Variants in FZD3 observed in about 807,000 individuals in gnomAD.
The protein encoded by FZD3 is frizzled class receptor 3.
FZD3 carries 30 observed loss-of-function variants against 60.7 expected under a neutral mutation model. The observed-to-expected ratio is 0.49, with a 90% CI of 0.37 to 0.67. The LOEUF (loss-of-function observed/expected upper bound fraction) is 0.67, where lower values mean the gene tolerates loss of function less well. FZD3 is among the 30% of genes least tolerant of loss of function. FZD3 has a pLI of 0.00. For synonymous variants in FZD3, 246 were observed against 275.2 expected (o/e 0.89, Z 1.05); for missense variants, 605 against 838.7 (o/e 0.72, Z 3.44).
rs946108068 is a variant in FZD3 at position 28,571,538 on chromosome 8, G to C, written c.*8527G>C. ...CAGGTGCTATTTCTACCTTAGCTGTGAGTTAGACTAAATCCAAATTTCGTA... is the reference window on the plus strand; with the variant it reads ...CAGGTGCTATTTCTACCTTAGCTGTCAGTTAGACTAAATCCAAATTTCGTA... On this transcript the variant is annotated 3_prime_UTR_variant, in exon 8 of 8. Transcript: ENST00000240093. 2 of 152,126 alleles carry C rather than the reference G, an allele frequency of 1.3e-5. No homozygotes were observed. The highest frequency in any genetic ancestry group is 4.8e-5 in the African/African-American group (2 of 41,450). The allele number at this position is 152,126 out of a possible 1,614,324, so 9.4% of individuals were successfully genotyped here.
rs757928052 is a variant in FZD3 at position 28,520,704 on chromosome 8, G to A, written c.256G>A (p.Ala86Thr). ...CCGGCCTTTTCTTTGTGCACTCTAC[G>A]CTCCTATTTGTATGGAATATGGACG... ...DFRPFLCALY[A>T]PICMEYGRVT... The change falls in exon 4 of 8, where the codon GCT becomes ACT. Residue 86 changes from alanine to threonine, a missense_variant. Transcript: ENST00000240093. The A allele has an allele frequency of 6.8e-6, 11 of 1,610,956 alleles. No individual in the cohort carries two copies. Among genetic ancestry groups the A allele is most frequent in the East Asian group, 2.2e-5 (1 of 44,822 alleles).
At position 28,572,730 on chromosome 8, in the gene FZD3, G is replaced by T. The variant is rs1400521471; in HGVS notation, c.*9719G>T. The T allele has an allele frequency of 6.6e-6, 1 of 152,056 alleles. No homozygotes were observed. Among genetic ancestry groups the T allele is most frequent in the Non-Finnish European group, 1.5e-5 (1 of 67,972 alleles). 9.4% of individuals were successfully genotyped at this position (152,056 alleles called of 1,614,324 possible). A position where few individuals can be genotyped will look rare whatever the true frequency, so the allele number is the denominator to read the frequency against. On this transcript the variant is annotated 3_prime_UTR_variant, in exon 8 of 8. Coordinates refer to ENST00000240093, the MANE Select transcript of FZD3 (RefSeq NM_017412.4). Reference sequence around the variant, plus strand: ...CTCTTGGTAGGCATTCTAAATTAATGAATACTGCTATGTGGTGTAGTAAAC... The same window carrying T: ...CTCTTGGTAGGCATTCTAAATTAATTAATACTGCTATGTGGTGTAGTAAAC...
At chr8:28,501,378 G>A (rs149307066) in intron 2 of FZD3, among the ~76,000 whole-genome samples, 2 of 152,270 alleles carry the variant, frequency 1.3e-5, no homozygotes, top group Non-Finnish European at 2.9e-5. Context: ...ATGCACAGAG[G>A]ACAGTTTCTT....
Position 28,563,198 on chromosome 8 carries a change from A to T in FZD3, c.*187A>T. 1 of 567,024 alleles carries T rather than the reference A, an allele frequency of 1.8e-6. No homozygotes were observed. Among genetic ancestry groups the T allele is most frequent in the South Asian group, 2.1e-5 (1 of 47,386 alleles). 35.1% of individuals were successfully genotyped at this position (567,024 alleles called of 1,614,324 possible). ...AACTTGGAACATCAAGGCATCCAAAACACTAAGAATTCTATCATCACAAAA... is the reference window on the plus strand; with the variant it reads ...AACTTGGAACATCAAGGCATCCAAATCACTAAGAATTCTATCATCACAAAA... On this transcript the variant is annotated 3_prime_UTR_variant, in exon 8 of 8. Transcript: ENST00000240093.
intron 1 of FZD3, among the ~76,000 whole-genome samples, chr8:28,498,106 C>A (rs1803891313): frequency 6.6e-6 from 1 of 152,116 alleles, no homozygotes; most frequent in African/African-American, 2.4e-5. Context: ...GGAATGTTAA[C>A]CAAGTAACTT....
rs1805657898 is a variant in FZD3, at chr8:28,563,759, T to C, written c.*748T>C. The C allele has an allele frequency of 6.6e-6, 1 of 152,654 alleles. No individual in the cohort carries two copies. The highest frequency in any genetic ancestry group is 6.5e-5 in the Admixed American group (1 of 15,280). 9.5% of individuals were successfully genotyped at this position (152,654 alleles called of 1,614,324 possible). On this transcript the variant is annotated 3_prime_UTR_variant, in exon 8 of 8. Transcript: ENST00000240093. ...TTTTATAACTTATCCATATGCATGA[T>C]GGAAAAATTTTAATTTGTAGCCATC...
Position 28,570,550 on chromosome 8 carries a change from G to A in FZD3, c.*7539G>A, listed in dbSNP as rs892928917. The A allele has an allele frequency of 4.6e-5, 7 of 151,934 alleles. No homozygotes were observed. Among genetic ancestry groups the A allele is most frequent in the East Asian group, 1.9e-4 (1 of 5,162 alleles). 9.4% of individuals were successfully genotyped at this position (151,934 alleles called of 1,614,324 possible). A position where few individuals can be genotyped will look rare whatever the true frequency, so the allele number is the denominator to read the frequency against. ...TGAGGCAGGAGAATGGCGTGAACCC[G>A]GGAGGCGGAGCTTGCAGTGAGCTGA... On this transcript the variant is annotated 3_prime_UTR_variant, in exon 8 of 8. Transcript: ENST00000240093.
At chr8:28,505,432 G>A (rs1451377708) in intron 3 of FZD3, among the ~76,000 whole-genome samples, 2 of 151,974 alleles carry the variant, frequency 1.3e-5, no homozygotes, top group East Asian at 3.9e-4. Flanking sequence ...GCTCACCACA[G>A]CCTCAACCTC....
At chr8:28,542,262 T>C (rs1272489295) in intron 5 of FZD3, among the ~76,000 whole-genome samples, 4 of 152,168 alleles carry the variant, frequency 2.6e-5, no homozygotes, top group Non-Finnish European at 4.4e-5. Flanking sequence ...CTGTCAGGAT[T>C]ATTGTTATTG....
In FZD3 at chr8:28,571,424, T is replaced by C. The variant is rs2130494116; in HGVS notation, c.*8413T>C. On this transcript the variant is annotated 3_prime_UTR_variant, in exon 8 of 8. Transcript: ENST00000240093. ...GGTGAATGTATACTTAAAAATACTC[T>C]ATTTTCTTTTTATATGAACTTAAAA... is the stretch of plus-strand genomic sequence containing the variant. The C allele has an allele frequency of 6.6e-6, 1 of 152,336 alleles. No individual in the cohort carries two copies. The highest frequency in any genetic ancestry group is 1.9e-4 in the East Asian group (1 of 5,192). The allele number at this position is 152,336 out of a possible 1,614,324, so 9.4% of individuals were successfully genotyped here.
At chr8:28,513,272 T>C (rs1389609866) in intron 3 of FZD3, among the ~76,000 whole-genome samples, 1 of 152,220 alleles carries the variant, frequency 6.6e-6, no homozygotes. Flanking sequence ...GCTTTATCTT[T>C]TGAGACTTAA....
intron 2 of FZD3, among the ~76,000 whole-genome samples, chr8:28,501,502 C>T (rs953496826): frequency 5.9e-5 from 9 of 152,212 alleles, no homozygotes; most frequent in Admixed American, 3.3e-4. Flanking sequence ...CTGAATTTCT[C>T]TTTTCCTAAC....
chr8:28,522,104 C>CT (rs1159167662), intron 4 of FZD3, among the ~76,000 whole-genome samples: 4,244 of 140,364 alleles, frequency 0.03, 209 homozygotes, highest in East Asian at 0.089. Flanking sequence ...TTTCTCTTCT[C>CT]TTTTTTTTTT....
At chr8:28,551,869 T>G in intron 6 of FZD3, 118 bp downstream of exon 6, 1 of 818,722 alleles carries the variant, frequency 1.2e-6, no homozygotes, top group East Asian at 2.6e-5. Flanking sequence ...ACTAACATTT[T>G]CAGCAGTATC....
intron 3 of FZD3, among the ~76,000 whole-genome samples, chr8:28,519,509 C>T (rs540133924): frequency 5.9e-5 from 9 of 152,086 alleles, no homozygotes; most frequent in African/African-American, 1.9e-4. Context: ...ATGGACAGAT[C>T]GCTTGAGCCC....
intron 3 of FZD3, among the ~76,000 whole-genome samples, chr8:28,507,340 G>A (rs751226661): frequency 5.2e-4 from 79 of 151,974 alleles, no homozygotes; most frequent in Non-Finnish European, 9.7e-4. Context: ...TGTTTACCGT[G>A]TCTCTGTCTC....
At chr8:28,525,783 G>A (rs1215103965) in intron 4 of FZD3, among the ~76,000 whole-genome samples, 8 of 152,238 alleles carry the variant, frequency 5.3e-5, no homozygotes, top group South Asian at 2.1e-4. Flanking sequence ...ATCAATTGGA[G>A]GCCCCTCTAG....
intron 4 of FZD3, among the ~76,000 whole-genome samples, chr8:28,525,254 A>G (rs1347559917): frequency 6.6e-6 from 1 of 152,228 alleles, no homozygotes; most frequent in Admixed American, 6.5e-5. Flanking sequence ...TCCTGTTCTT[A>G]TGGAGTGAAA....
chr8:28,504,544 C>G (rs1257179663), intron 3 of FZD3, among the ~76,000 whole-genome samples: 3 of 152,148 alleles, frequency 2.0e-5, no homozygotes, highest in Non-Finnish European at 4.4e-5. Context: ...TTGGGTTCAA[C>G]TTTTGGCTCT....
Sources: gnomAD v4.1 joint callset for allele counts (sites outside exome capture counted in the v4.1 genomes callset) on GRCh38, gnomAD v4.1.1 for gene constraint, MANE v1.5 for transcripts, NCBI Gene and HGNC (gene_info 2026-07-23, HGNC 2026-07-21) for gene names.